LYPLAL1: variants seen among roughly 807,000 people sequenced by gnomAD.
LYPLAL1 encodes lysophospholipase-like protein 1.
LYPLAL1 carries 23 observed loss-of-function variants against 19.7 expected under a neutral mutation model. The observed-to-expected ratio is 1.17, with a 90% confidence interval of 0.84 to 1.65. The LOEUF is 1.65. Ranked by LOEUF, LYPLAL1 falls within the 40% of genes most tolerant of loss-of-function variation. The pLI is 0.00. For synonymous variants in LYPLAL1, 119 were observed against 96.3 expected, an observed-to-expected ratio of 1.24 and a Z score of -1.38; for missense variants, 355 against 279.4, an observed-to-expected ratio of 1.27 and a Z score of -1.93.
the LYPLAL1 span, among the ~76,000 whole-genome samples, chr1:219,427,468 T>C: frequency 6.6e-6 from 1 of 152,240 alleles, no homozygotes; most frequent in African/African-American, 2.4e-5. Context: ...AAATTGAACA[T>C]TGCTTTCTTA....
At chr1:219,176,509 AC>A (rs1655822355) in intron 1 of LYPLAL1, among the ~76,000 whole-genome samples, 2 of 152,200 alleles carry the variant, frequency 1.3e-5, no homozygotes, top group Admixed American at 6.5e-5. Flanking sequence ...TCGTCCTCTT[AC>A]GTGAACTGTC....
chr1:219,293,344 TATG>T, the LYPLAL1 span, among the ~76,000 whole-genome samples: 1 of 152,182 alleles, frequency 6.6e-6, no homozygotes, highest in East Asian at 1.9e-4. Context: ...ATAGGTTGAT[TATG>T]ATATTATGTA....
chr1:219,385,141 A>G, the LYPLAL1 span, among the ~76,000 whole-genome samples: 1 of 152,172 alleles, frequency 6.6e-6, no homozygotes, highest in Non-Finnish European at 1.5e-5. Flanking sequence ...TTTTAGATAC[A>G]AGGCAGAATC....
intron 2 of LYPLAL1, among the ~76,000 whole-genome samples, chr1:219,192,773 T>A (rs1476881668): frequency 1.3e-5 from 2 of 151,728 alleles, no homozygotes; most frequent in Admixed American, 1.3e-4. Flanking sequence ...CAACATAGTA[T>A]CCCAGAGCAT....
intron 2 of LYPLAL1, chr1:219,179,567 A>G (rs1367600997): frequency 3.3e-5 from 7 of 213,340 alleles, no homozygotes; most frequent in Non-Finnish European, 6.4e-5. Context: ...CATTCACCCC[A>G]AAAGGAAACT....
chr1:219,307,794 T>C, the LYPLAL1 span, among the ~76,000 whole-genome samples: 8 of 152,198 alleles, frequency 5.3e-5, no homozygotes, highest in African/African-American at 1.9e-4. Flanking sequence ...CTGATGGTTT[T>C]ATCAGCGGTT....
intron 3 of LYPLAL1, among the ~76,000 whole-genome samples, chr1:219,209,650 T>G (rs1658840216): frequency 6.6e-6 from 1 of 152,154 alleles, no homozygotes; most frequent in Non-Finnish European, 1.5e-5. Flanking sequence ...TGATTTACAT[T>G]CTGTATTTTC....
the LYPLAL1 span, among the ~76,000 whole-genome samples, chr1:219,323,964 T>A: frequency 1.3e-5 from 2 of 152,218 alleles, no homozygotes; most frequent in East Asian, 3.9e-4. Flanking sequence ...TTTTGGCAGA[T>A]CATCAAAGCT....
chr1:219,347,256 ATTCTTT>A, the LYPLAL1 span, among the ~76,000 whole-genome samples: 1 of 151,918 alleles, frequency 6.6e-6, no homozygotes, highest in Non-Finnish European at 1.5e-5. Flanking sequence ...CTTTTTGGCC[ATTCTTT>A]TTCTTTTTCT....
At chr1:219,437,558 A>G in the LYPLAL1 span, among the ~76,000 whole-genome samples, 2,157 of 151,948 alleles carry the variant, frequency 0.014, 57 homozygotes, top group African/African-American at 0.049. Context: ...GGGATCTCAC[A>G]TAGATCTGTG....
At chr1:219,290,451 G>C in the LYPLAL1 span, among the ~76,000 whole-genome samples, 40 of 152,286 alleles carry the variant, frequency 2.6e-4, no homozygotes, top group African/African-American at 8.4e-4. Flanking sequence ...CCAACATCTT[G>C]AGAAGCATTT....
chr1:219,252,843 G>C, the LYPLAL1 span, among the ~76,000 whole-genome samples: 2 of 152,042 alleles, frequency 1.3e-5, no homozygotes, highest in Non-Finnish European at 2.9e-5. Flanking sequence ...TTTTGGAACG[G>C]TTTCTGTAGG....
the LYPLAL1 span, among the ~76,000 whole-genome samples, chr1:219,267,721 A>G: frequency 6.6e-6 from 1 of 152,228 alleles, no homozygotes; most frequent in Admixed American, 6.5e-5. Context: ...TTCAATAAGT[A>G]ATTTGCCCAA....
the LYPLAL1 span, among the ~76,000 whole-genome samples, chr1:219,350,623 G>A: frequency 6.6e-6 from 1 of 152,224 alleles, no homozygotes; most frequent in African/African-American, 2.4e-5. Flanking sequence ...GGAGAATGAA[G>A]TAGAGGCAAG....
chr1:219,434,460 T>C, the LYPLAL1 span, among the ~76,000 whole-genome samples: 1 of 152,184 alleles, frequency 6.6e-6, no homozygotes, highest in African/African-American at 2.4e-5. Flanking sequence ...AAGGCCTGAC[T>C]CCTAACCACT....
At chr1:219,353,127 T>C in the LYPLAL1 span, among the ~76,000 whole-genome samples, 1 of 152,326 alleles carries the variant, frequency 6.6e-6, no homozygotes, top group East Asian at 1.9e-4. Flanking sequence ...TGTAAGCCTT[T>C]CTATCACCTC....
At chr1:219,179,730 A>G (rs1244680601) in intron 2 of LYPLAL1, among the ~76,000 whole-genome samples, 1 of 152,246 alleles carries the variant, frequency 6.6e-6, no homozygotes, top group Non-Finnish European at 1.5e-5. Context: ...GAATAGGAAG[A>G]TAGAATTGAC....
At chr1:219,320,446 A>ATTT in the LYPLAL1 span, among the ~76,000 whole-genome samples, 1 of 151,992 alleles carries the variant, frequency 6.6e-6, no homozygotes, top group South Asian at 2.1e-4. Context: ...ATTTAATTTA[A>ATTT]TTTTATTATT....
intron 3 of LYPLAL1, 96 bp from the exon 4 acceptor site, chr1:219,210,436 G>A: frequency 1.2e-6 from 1 of 845,560 alleles, no homozygotes; most frequent in South Asian, 2.1e-5. Flanking sequence ...CTCTTTAAAG[G>A]TCTCCAGATA....
Sources: gnomAD v4.1 joint callset for allele counts (sites outside exome capture counted in the v4.1 genomes callset) on GRCh38, gnomAD v4.1.1 for gene constraint, MANE v1.5 for transcripts, NCBI Gene and HGNC (gene_info 2026-07-23, HGNC 2026-07-21) for gene names.